Variants in KCNN3 observed in about 807,000 individuals in gnomAD.
The protein encoded by KCNN3 is potassium calcium-activated channel subfamily N member 3, also known as small conductance calcium-activated potassium channel protein 3.
In KCNN3, 16 loss-of-function variants were observed where a neutral mutation model predicts 62.9. That is an observed-to-expected ratio of 0.25 (90% CI 0.17 to 0.39). The LOEUF (loss-of-function observed/expected upper bound fraction) is 0.39. Among genes scored for constraint, KCNN3 ranks in the 10% least tolerant of loss-of-function variants. The probability of loss-of-function intolerance (pLI) is 1.00; values close to 1 mark genes in which losing one functional copy is unlikely to be tolerated. For missense variants in KCNN3, 599 were observed against 949.4 expected (o/e 0.63, Z 4.85); for synonymous variants, 370 against 389.2 (o/e 0.95, Z 0.58).
intron 2 of KCNN3, among the ~76,000 whole-genome samples, chr1:154,811,544 C>T (rs2101884226): frequency 6.6e-6 from 1 of 152,294 alleles, no homozygotes; most frequent in South Asian, 2.1e-4. Context: ...CTCCCACCAT[C>T]ATGCTAACAG....
At chr1:154,782,064 G>A (rs1350167322) in intron 2 of KCNN3, among the ~76,000 whole-genome samples, 1 of 152,172 alleles carries the variant, frequency 6.6e-6, no homozygotes, top group African/African-American at 2.4e-5. Context: ...AAGGCAGGAT[G>A]GAGCTTAGAG....
intron 1 of KCNN3, among the ~76,000 whole-genome samples, chr1:154,826,033 C>T (rs1273141854): frequency 7.2e-6 from 1 of 138,018 alleles, no homozygotes; most frequent in African/African-American, 2.8e-5. Context: ...GGGTGAAGAG[C>T]GAGACTCCAT....
intron 1 of KCNN3, among the ~76,000 whole-genome samples, chr1:154,865,330 T>C (rs1168290665): frequency 6.6e-6 from 1 of 151,778 alleles, no homozygotes; most frequent in Non-Finnish European, 1.5e-5. Context: ...TGTCTAAGAC[T>C]TCAGAGAGTA....
chr1:154,838,985 C>T (rs1651713401), intron 1 of KCNN3, among the ~76,000 whole-genome samples: 1 of 152,202 alleles, frequency 6.6e-6, no homozygotes, highest in Non-Finnish European at 1.5e-5. Context: ...CCACTCAGGA[C>T]ATCTCTAACC....
intron 7 of KCNN3, among the ~76,000 whole-genome samples, chr1:154,711,882 G>A (rs187107389): frequency 6.6e-6 from 1 of 152,202 alleles, no homozygotes; most frequent in Non-Finnish European, 1.5e-5. Flanking sequence ...AGGAGGCAGA[G>A]AGGGAGAGAA....
At chr1:154,868,603 A>G (rs925108303) in intron 1 of KCNN3, among the ~76,000 whole-genome samples, 1 of 151,090 alleles carries the variant, frequency 6.6e-6, no homozygotes, top group Non-Finnish European at 1.5e-5. Context: ...ACTGGCAAAC[A>G]CATGAAGGCG....
chr1:154,818,964 T>C (rs1650781616), intron 2 of KCNN3, among the ~76,000 whole-genome samples: 1 of 152,248 alleles, frequency 6.6e-6, no homozygotes, highest in South Asian at 2.1e-4. Context: ...ATCTGGTCCC[T>C]GCTAAAATTT....
At chr1:154,844,083 C>A (rs1006007866) in intron 1 of KCNN3, among the ~76,000 whole-genome samples, 1 of 152,212 alleles carries the variant, frequency 6.6e-6, no homozygotes, top group Admixed American at 6.5e-5. Flanking sequence ...GGGGACTCCA[C>A]CCAAGGGAGC....
chr1:154,833,791 A>G (rs956702245), intron 1 of KCNN3, among the ~76,000 whole-genome samples: 2 of 152,198 alleles, frequency 1.3e-5, no homozygotes, highest in African/African-American at 4.8e-5. Flanking sequence ...TACTCAATTC[A>G]GGTTTGGGGA....
At chr1:154,759,531 G>A (rs1485459813) in intron 3 of KCNN3, among the ~76,000 whole-genome samples, 1 of 152,196 alleles carries the variant, frequency 6.6e-6, no homozygotes, top group African/African-American at 2.4e-5. Context: ...GGGAGCGGGT[G>A]AGAATGAAGC....
At chr1:154,773,135 A>G (rs564762659) in intron 2 of KCNN3, among the ~76,000 whole-genome samples, 2 of 152,192 alleles carry the variant, frequency 1.3e-5, no homozygotes, top group East Asian at 1.9e-4. Flanking sequence ...ACAGTACCCA[A>G]TAGTTATTTT....
At chr1:154,810,652 C>G (rs528351087) in intron 2 of KCNN3, among the ~76,000 whole-genome samples, 1 of 152,224 alleles carries the variant, frequency 6.6e-6, no homozygotes, top group Non-Finnish European at 1.5e-5. Context: ...GGAGCCACCA[C>G]AAGGCACAGC....
At chr1:154,842,642 C>T (rs1175141777) in intron 1 of KCNN3, among the ~76,000 whole-genome samples, 11 of 142,252 alleles carry the variant, frequency 7.7e-5, no homozygotes, top group Non-Finnish European at 1.6e-4. Context: ...CCCCCCCCGC[C>T]ACCACCTCCT....
intron 2 of KCNN3, among the ~76,000 whole-genome samples, chr1:154,797,191 G>A (rs774484260): frequency 6.6e-6 from 1 of 152,166 alleles, no homozygotes; most frequent in African/African-American, 2.4e-5. Flanking sequence ...TGGCCTTGGG[G>A]TCCCTTAATG....
chr1:154,858,416 G>C (rs1168561943), intron 1 of KCNN3, among the ~76,000 whole-genome samples: 1 of 152,178 alleles, frequency 6.6e-6, no homozygotes, highest in African/African-American at 2.4e-5. Flanking sequence ...CAAATAAAGG[G>C]GCCGCTGCGC....
intron 3 of KCNN3, among the ~76,000 whole-genome samples, chr1:154,755,520 A>AAG (rs1239503700): frequency 0.012 from 740 of 59,816 alleles, 13 homozygotes; most frequent in African/African-American, 0.035. Flanking sequence ...AGAAAGAAAG[A>AAG]AAGAAAGAAG....
chr1:154,843,175 G>T (rs772010274), intron 1 of KCNN3, among the ~76,000 whole-genome samples: 2 of 152,008 alleles, frequency 1.3e-5, no homozygotes, highest in Non-Finnish European at 2.9e-5. Flanking sequence ...AGCCTTGACG[G>T]TCTGCTTGGC....
intron 2 of KCNN3, among the ~76,000 whole-genome samples, chr1:154,776,871 G>T (rs1468378354): frequency 6.6e-6 from 1 of 152,180 alleles, no homozygotes; most frequent in Non-Finnish European, 1.5e-5. Flanking sequence ...ATCTCTGGGG[G>T]TGGAGCCCTG....
intron 3 of KCNN3, among the ~76,000 whole-genome samples, chr1:154,758,790 C>CATTTT (rs1647859801): frequency 3.6e-5 from 3 of 82,770 alleles, no homozygotes; most frequent in South Asian, 4.7e-4. Flanking sequence ...AGGAGAACAT[C>CATTTT]GTTTTGTTTT....
Sources: allele counts gnomAD v4.1 joint callset (sites outside exome capture counted in the v4.1 genomes callset), GRCh38; gene constraint gnomAD v4.1.1; transcripts MANE v1.5; gene names NCBI Gene and HGNC (gene_info 2026-07-23, HGNC 2026-07-21).